Variants in MORC3 observed in about 807,000 individuals in gnomAD.
The protein encoded by MORC3 is MORC family CW-type zinc finger protein 3.
A neutral mutation model predicts 109.1 loss-of-function variants in MORC3; 31 were observed. The ratio of observed to expected loss-of-function variants is 0.28; its 90% CI spans 0.21 to 0.38. The LOEUF (loss-of-function observed/expected upper bound fraction) is 0.38, where lower values mean the gene tolerates loss of function less well. Ranked by LOEUF, MORC3 falls within the 10% of genes least tolerant of loss-of-function variation. MORC3 has a pLI of 1.00. For synonymous variants in MORC3, 395 were observed against 380.7 expected, an observed-to-expected ratio of 1.04 and a Z score of -0.44; for missense variants, 867 against 1,135.8, an observed-to-expected ratio of 0.76 and a Z score of 3.40.
At chr21:36,348,233 T>C (rs1484644541) in intron 8 of MORC3, 1 of 152,232 alleles carries the variant, frequency 6.6e-6, no homozygotes, top group Non-Finnish European at 1.5e-5. Context: ...TTTTACTTCA[T>C]TGTTAGCAAC....
chr21:36,326,059 T>A (rs572449913), intron 1 of MORC3, among the ~76,000 whole-genome samples: 1 of 144,184 alleles, frequency 6.9e-6, no homozygotes, highest in Non-Finnish European at 1.5e-5. Flanking sequence ...ATACAAAAAT[T>A]ATTTGGGCAT....
intron 5 of MORC3, chr21:36,339,523 A>T (rs57804307): frequency 6.7e-6 from 1 of 148,502 alleles, no homozygotes; most frequent in African/African-American, 2.5e-5. Flanking sequence ...AAAAAAAAGA[A>T]AAAAGAAAAA....
intron 13 of MORC3, among the ~76,000 whole-genome samples, chr21:36,363,577 G>C (rs1259122154): frequency 6.6e-6 from 1 of 152,180 alleles, no homozygotes; most frequent in African/African-American, 2.4e-5. Flanking sequence ...ATAAAGTGTT[G>C]AGTATCTCAT....
At chr21:36,338,649 A>C in intron 4 of MORC3, 125 bp from the exon 5 acceptor site, 1 of 619,862 alleles carries the variant, frequency 1.6e-6, no homozygotes, top group Non-Finnish European at 2.3e-6. Flanking sequence ...CCTATCTCAC[A>C]AAAAAAAAAA....
At chr21:36,323,240 T>C (rs1050269006) in intron 1 of MORC3, among the ~76,000 whole-genome samples, 1 of 152,198 alleles carries the variant, frequency 6.6e-6, no homozygotes. Flanking sequence ...CTGTCTGATA[T>C]GTAGCTTAGT....
chr21:36,362,161 G>T, intron 12 of MORC3, 22 bp from the exon 13 acceptor site: 1 of 1,607,066 alleles, frequency 6.2e-7, no homozygotes, highest in Non-Finnish European at 8.5e-7. Context: ...ATAACAACAT[G>T]TTTTTCATCT....
intron 9 of MORC3, among the ~76,000 whole-genome samples, chr21:36,349,639 A>G (rs1170796684): frequency 6.6e-6 from 1 of 152,274 alleles, no homozygotes; most frequent in Non-Finnish European, 1.5e-5. Context: ...TAATGTAATT[A>G]TAATTTTGTA....
chr21:36,340,118 A>T (rs552177177), intron 5 of MORC3, among the ~76,000 whole-genome samples: 2 of 152,198 alleles, frequency 1.3e-5, no homozygotes, highest in East Asian at 1.9e-4. Flanking sequence ...CTCTACTAAA[A>T]TTACAAAAAA....
chr21:36,329,224 G>A (rs1829475988), intron 1 of MORC3, among the ~76,000 whole-genome samples: 1 of 152,072 alleles, frequency 6.6e-6, no homozygotes, highest in African/African-American at 2.4e-5. Flanking sequence ...GAACCCGGGA[G>A]GCAGAGGTTG....
chr21:36,344,202 AC>A (rs1159491081), intron 6 of MORC3, among the ~76,000 whole-genome samples: 1 of 151,056 alleles, frequency 6.6e-6, no homozygotes, highest in Non-Finnish European at 1.5e-5. Flanking sequence ...ATCTCGGCTC[AC>A]TGCAGCCTCC....
rs1487261723 is a variant in MORC3 at position 36,375,742 on chromosome 21, T to C, written c.*446T>C. The stretch of plus-strand genomic sequence containing the variant: ...TTCTTATAAAGGAGTTTAAATAGGA[T>C]TTTTAAATAATGTAGTAACACTCCT... On this transcript the variant is annotated 3_prime_UTR_variant, in exon 17 of 17. Transcript: ENST00000400485. 6.5e-6 allele frequency: 1 copy of C among 153,038 alleles called. No individual in the cohort carries two copies. The highest frequency in any genetic ancestry group is 1.5e-5 in the Non-Finnish European group (1 of 68,338). 9.5% of individuals were successfully genotyped at this position (153,038 alleles called of 1,614,324 possible). A position where few individuals can be genotyped will look rare whatever the true frequency, so the allele number is the denominator to read the frequency against.
At position 36,369,582 on chromosome 21, in the gene MORC3, T is replaced by C; in HGVS notation, c.2214T>C (p.Tyr738=). The change falls in exon 15 of 17, where the codon TAT becomes TAC. Residue 738 remains tyrosine (Y), a synonymous_variant. Transcript: ENST00000400485. ...GGATACTAGAAATGAATGACAAGTA[T>C]GTTAAGAAAGAAACTTGCCATCAGT... ...QQRILEMNDK[Y]VKKETCHQST... 3 of 1,614,240 alleles carry C rather than the reference T, an allele frequency of 1.9e-6. No homozygotes were observed. The highest frequency in any genetic ancestry group is 2.5e-6 in the Non-Finnish European group (3 of 1,180,042).
intron 12 of MORC3, among the ~76,000 whole-genome samples, chr21:36,361,095 G>A: frequency 6.6e-6 from 1 of 151,706 alleles, no homozygotes; most frequent in East Asian, 1.9e-4. Flanking sequence ...AAAGATAGTG[G>A]AAGTGGGACA....
At chr21:36,330,434 G>C (rs1196331244) in intron 1 of MORC3, among the ~76,000 whole-genome samples, 1 of 152,032 alleles carries the variant, frequency 6.6e-6, no homozygotes, top group Non-Finnish European at 1.5e-5. Flanking sequence ...CTATAGCCTG[G>C]AAGTCCCCGC....
chr21:36,344,100 AG>A (rs2085481929), intron 6 of MORC3, among the ~76,000 whole-genome samples: 1 of 152,028 alleles, frequency 6.6e-6, no homozygotes, highest in Non-Finnish European at 1.5e-5. Flanking sequence ...GAAAAGTAGG[AG>A]AAGCTTTTAA....
At chr21:36,373,879 A>T (rs1483181406) in intron 16 of MORC3, among the ~76,000 whole-genome samples, 1 of 152,216 alleles carries the variant, frequency 6.6e-6, no homozygotes, top group Non-Finnish European at 1.5e-5. Context: ...TTGCCATAAT[A>T]TTTGAAGCAA....
At chr21:36,350,264 C>T (rs937503031) in intron 9 of MORC3, among the ~76,000 whole-genome samples, 2 of 151,850 alleles carry the variant, frequency 1.3e-5, no homozygotes, top group African/African-American at 2.4e-5. Flanking sequence ...GCCAAGATGG[C>T]GCCACTGTAC....
chr21:36,336,092 A>T (rs1444261539), intron 2 of MORC3, among the ~76,000 whole-genome samples: 11 of 137,742 alleles, frequency 8.0e-5, no homozygotes, highest in Non-Finnish European at 1.3e-4. Flanking sequence ...TGCCTGGCTA[A>T]TTTTTTTTTT....
chr21:36,329,858 G>GT (rs944902479), intron 1 of MORC3, among the ~76,000 whole-genome samples: 36 of 149,574 alleles, frequency 2.4e-4, no homozygotes, highest in South Asian at 4.2e-4. Context: ...TTCTTTTTTT[G>GT]TTTTTTTTTG....
Sources: allele counts gnomAD v4.1 joint callset (sites outside exome capture counted in the v4.1 genomes callset), GRCh38; gene constraint gnomAD v4.1.1; transcripts MANE v1.5; gene names NCBI Gene and HGNC (gene_info 2026-07-23, HGNC 2026-07-21).